ADAMTS3: variants seen among roughly 807,000 people sequenced by gnomAD.
The protein encoded by ADAMTS3 is A disintegrin and metalloproteinase with thrombospondin motifs 3.
A neutral mutation model predicts 129.0 loss-of-function variants in ADAMTS3; 73 were observed. The ratio of observed to expected loss-of-function variants is 0.57; its 90% CI spans 0.47 to 0.69. ADAMTS3 has a LOEUF of 0.69. Ranked by LOEUF, ADAMTS3 falls within the 30% of genes least tolerant of loss-of-function variation. The probability of loss-of-function intolerance (pLI) is 0.00; values close to 1 mark genes in which losing one functional copy is unlikely to be tolerated. For missense variants in ADAMTS3, 1,457 were observed against 1,514.5 expected (o/e 0.96, Z 0.63); for synonymous variants, 477 against 510.8 (o/e 0.93, Z 0.89).
intron 3 of ADAMTS3, among the ~76,000 whole-genome samples, chr4:72,478,793 C>G (rs916564200): frequency 2.0e-5 from 3 of 151,856 alleles, no homozygotes; most frequent in African/African-American, 7.3e-5. Context: ...TCTAGAAAAC[C>G]CCATTGTCTC....
At chr4:72,517,391 G>C (rs948320267) in intron 3 of ADAMTS3, among the ~76,000 whole-genome samples, 1 of 152,142 alleles carries the variant, frequency 6.6e-6, no homozygotes, top group South Asian at 2.1e-4. Context: ...CTATTGATTG[G>C]AATAGTTTCA....
At chr4:72,514,370 G>T (rs985878408) in intron 3 of ADAMTS3, among the ~76,000 whole-genome samples, 2 of 152,060 alleles carry the variant, frequency 1.3e-5, no homozygotes, top group Admixed American at 6.6e-5. Context: ...TGTTTGCATG[G>T]GGCTCAGACA....
intron 3 of ADAMTS3, among the ~76,000 whole-genome samples, chr4:72,526,825 T>C (rs1225131795): frequency 2.0e-5 from 3 of 147,818 alleles, no homozygotes; most frequent in African/African-American, 7.4e-5. Context: ...TGTATCTATG[T>C]TTCAATCCAA....
intron 4 of ADAMTS3, among the ~76,000 whole-genome samples, chr4:72,361,756 CT>C (rs1371144912): frequency 2.3e-4 from 35 of 152,040 alleles, no homozygotes; most frequent in Admixed American, 2.2e-3. Context: ...CAGTTCACCC[CT>C]GGTCAGGTGT....
intron 3 of ADAMTS3, among the ~76,000 whole-genome samples, chr4:72,456,908 T>C (rs1217810336): frequency 2.6e-5 from 4 of 151,686 alleles, no homozygotes; most frequent in Admixed American, 6.6e-5. Context: ...AGAAAGTCTT[T>C]GAGAAACTTG....
intron 4 of ADAMTS3, among the ~76,000 whole-genome samples, chr4:72,365,149 T>C (rs1720838409): frequency 6.6e-6 from 1 of 152,198 alleles, no homozygotes; most frequent in Non-Finnish European, 1.5e-5. Flanking sequence ...TCTTCTACCA[T>C]ATCTGAACAA....
chr4:72,432,922 T>C (rs1722733338), intron 3 of ADAMTS3, among the ~76,000 whole-genome samples: 1 of 151,928 alleles, frequency 6.6e-6, no homozygotes, highest in South Asian at 2.1e-4. Context: ...TTCTTAAAAT[T>C]AACACTCAGA....
rs114716651 is a variant in ADAMTS3 at position 72,483,111 on chromosome 4, C to T, written c.504+65367G>A. 8.5e-3 allele frequency among the ~76,000 whole-genome samples: 1,299 copies of T among 152,100 alleles called. 23 individuals are homozygous for T. Among genetic ancestry groups the T allele is most frequent in the African/African-American group, 0.03 (1,256 of 41,494 alleles). Reference sequence around the variant, plus strand: ...GGATTAAGACAGAGATTTCTACTCTCATCTTTTTTTTCAACATTTCATTTC... The same window carrying T: ...GGATTAAGACAGAGATTTCTACTCTTATCTTTTTTTTCAACATTTCATTTC... On this transcript the variant is annotated intron_variant, in intron 3 of 21. Transcript: ENST00000286657.
intron 3 of ADAMTS3, among the ~76,000 whole-genome samples, chr4:72,505,519 T>C (rs184991934): frequency 6.6e-6 from 1 of 152,176 alleles, no homozygotes; most frequent in African/African-American, 2.4e-5. Context: ...GGCTGACTCC[T>C]GGAAAGCACA....
At chr4:72,478,108 G>T (rs1445610169) in intron 3 of ADAMTS3, among the ~76,000 whole-genome samples, 1 of 152,160 alleles carries the variant, frequency 6.6e-6, no homozygotes, top group African/African-American at 2.4e-5. Flanking sequence ...AATTCTACCA[G>T]AGGTACAAGG....
At chr4:72,404,548 A>C (rs1243507968) in intron 4 of ADAMTS3, among the ~76,000 whole-genome samples, 1 of 152,080 alleles carries the variant, frequency 6.6e-6, no homozygotes, top group Non-Finnish European at 1.5e-5. Flanking sequence ...TGAAACTATA[A>C]AACTCCTAGG....
chr4:72,556,451 G>A (rs1337365215), intron 2 of ADAMTS3, among the ~76,000 whole-genome samples: 1 of 151,640 alleles, frequency 6.6e-6, no homozygotes, highest in Non-Finnish European at 1.5e-5. Context: ...CAGTAGTATT[G>A]TCAACATTGC....
chr4:72,321,938 C>T (rs1390392121), intron 6 of ADAMTS3, among the ~76,000 whole-genome samples: 1 of 152,152 alleles, frequency 6.6e-6, no homozygotes, highest in Non-Finnish European at 1.5e-5. Context: ...CAAGAACTCA[C>T]TAGCCACACT....
intron 4 of ADAMTS3, among the ~76,000 whole-genome samples, chr4:72,391,408 A>G (rs952021399): frequency 3.9e-5 from 6 of 152,190 alleles, no homozygotes; most frequent in African/African-American, 1.4e-4. Flanking sequence ...CCAAAGGCCC[A>G]CACTGAAGAT....
intron 4 of ADAMTS3, among the ~76,000 whole-genome samples, chr4:72,360,405 G>C (rs1345398230): frequency 1.3e-5 from 2 of 152,136 alleles, no homozygotes; most frequent in East Asian, 3.9e-4. Flanking sequence ...TTTCTTTTTA[G>C]TGATTTTTGT....
intron 10 of ADAMTS3, among the ~76,000 whole-genome samples, chr4:72,317,726 T>A (rs1175797924): frequency 6.6e-6 from 1 of 151,986 alleles, no homozygotes; most frequent in East Asian, 1.9e-4. Context: ...GTGCCCAAGT[T>A]TATATATTTA....
At position 72,400,395 on chromosome 4, in the gene ADAMTS3, T is replaced by G. The variant is rs55716148; in HGVS notation, c.661+14420A>C. On this transcript the variant is annotated intron_variant, in intron 4 of 21. Coordinates refer to ENST00000286657, the MANE Select transcript of ADAMTS3 (RefSeq NM_014243.3). ...CACGGTGTGTATATATACGTGTGCA[T>G]AGATATGCACACGGTGTGTATATAT... 3.0e-3 allele frequency among the ~76,000 whole-genome samples: 361 copies of G among 120,270 alleles called. 33 individuals are homozygous for G. Among genetic ancestry groups the G allele is most frequent in the African/African-American group, 0.011 (336 of 30,834 alleles). 78.9% of individuals were successfully genotyped at this position (120,270 alleles called of 152,430 possible).
chr4:72,308,008 T>A (rs1285498474), intron 15 of ADAMTS3, among the ~76,000 whole-genome samples: 1 of 151,820 alleles, frequency 6.6e-6, no homozygotes, highest in Non-Finnish European at 1.5e-5. Flanking sequence ...ATACAATGAA[T>A]GAACATGGCA....
At position 72,548,609 on chromosome 4, in the gene ADAMTS3, T is replaced by C; in HGVS notation, c.373A>G (p.Asn125Asp). The change falls in exon 3 of 22, where the codon AAC (asparagine) becomes GAC (aspartate). Residue 125 changes from asparagine (N) to aspartate (D), a missense_variant. Coordinates refer to ENST00000286657, the MANE Select transcript of ADAMTS3 (RefSeq NM_014243.3). ...LVPGNITDPI[N>D]NHQPGSATYR... is the part of the protein sequence containing the mutation. ...GTAGCACTTCCTGGTTGATGGTTGTTAATGGGATCGGTTATATTCCCAGGC... is the reference window on the plus strand; with the variant it reads ...GTAGCACTTCCTGGTTGATGGTTGTCAATGGGATCGGTTATATTCCCAGGC... The C allele has an allele frequency of 3.1e-6, 5 of 1,614,012 alleles. No individual in the cohort carries two copies. Among genetic ancestry groups the C allele is most frequent in the Non-Finnish European group, 3.4e-6 (4 of 1,179,918 alleles).
Sources: gnomAD v4.1 joint callset for allele counts (sites outside exome capture counted in the v4.1 genomes callset) on GRCh38, gnomAD v4.1.1 for gene constraint, MANE v1.5 for transcripts, NCBI Gene and HGNC (gene_info 2026-07-23, HGNC 2026-07-21) for gene names.